Variants in USP9Y observed in about 807,000 individuals in gnomAD.
USP9Y encodes the protein ubiquitin specific peptidase 9 Y-linked, also known as ubiquitin carboxyl-terminal hydrolase 9Y.
Under a neutral mutation model 53.1 loss-of-function variants are expected in USP9Y, and 41 were observed. The observed-to-expected ratio is 0.77, with a 90% CI of 0.60 to 1.00. The LOEUF (loss-of-function observed/expected upper bound fraction) is 1.00. Ranked by LOEUF, USP9Y falls within the 50% of genes least tolerant of loss-of-function variation. The pLI is 0.00. For missense variants in USP9Y, 567 were observed against 535.8 expected (o/e 1.06, Z -0.58); for synonymous variants, 220 against 173.7 (o/e 1.27, Z -2.09).
chrY:12,759,356 G>T, intron 14 of USP9Y, among the ~76,000 whole-genome samples: 1 of 33,115 alleles, frequency 3.0e-5, no homozygotes, highest in East Asian at 7.8e-4. Flanking sequence ...GTGCAGTTAG[G>T]ATTCCCAGTG....
At chrY:12,743,471 G>A (rs2053458200) in intron 12 of USP9Y, among the ~76,000 whole-genome samples, 1 of 32,573 alleles carries the variant, frequency 3.1e-5, no homozygotes, top group African/African-American at 1.2e-4. Context: ...TGTTAGCCAG[G>A]ATGGTCTTGA....
chrY:12,798,363 G>A (rs2053515682), intron 27 of USP9Y, among the ~76,000 whole-genome samples: 5 of 33,321 alleles, frequency 1.5e-4, no homozygotes, highest in Non-Finnish European at 3.7e-4. Flanking sequence ...CAAAGATTGC[G>A]TTAAGACTGA....
chrY:12,825,567 G>A, intron 33 of USP9Y, among the ~76,000 whole-genome samples: 1 of 32,607 alleles, frequency 3.1e-5, no homozygotes, highest in Admixed American at 2.8e-4. Flanking sequence ...AGGAGCAGAC[G>A]ACTATGAGCA....
At chrY:12,840,801 TATG>T (rs2053560363) in intron 36 of USP9Y, among the ~76,000 whole-genome samples, 187 bp downstream of exon 36, 1 of 33,149 alleles carries the variant, frequency 3.0e-5, no homozygotes, top group Non-Finnish European at 7.5e-5. Context: ...ATGAAAAAAT[TATG>T]ATATCTGTAC....
At chrY:12,811,071 A>T in intron 29 of USP9Y, among the ~76,000 whole-genome samples, 1 of 33,976 alleles carries the variant, frequency 2.9e-5, no homozygotes, top group Non-Finnish European at 7.3e-5. Flanking sequence ...TGGAATGCTG[A>T]TAATTCTGTT....
intron 5 of USP9Y, 94 bp downstream of exon 5, chrY:12,722,281 T>A: frequency 8.7e-6 from 2 of 230,129 alleles, no homozygotes; most frequent in Non-Finnish European, 7.3e-6. Context: ...ATAAAGGTAC[T>A]GTTTATTCCT....
chrY:12,835,270 G>A (rs2053554469), intron 34 of USP9Y, among the ~76,000 whole-genome samples: 1 of 33,007 alleles, frequency 3.0e-5, no homozygotes, highest in Non-Finnish European at 7.4e-5. Context: ...GGCTGGACTC[G>A]AACTCCAGGT....
intron 11 of USP9Y, among the ~76,000 whole-genome samples, chrY:12,738,912 A>G: frequency 3.0e-5 from 1 of 33,885 alleles, no homozygotes; most frequent in South Asian, 6.6e-4. Context: ...GAAAGAGGAT[A>G]AAGAATCTAT....
At chrY:12,828,957 A>G (rs762574531) in intron 33 of USP9Y, among the ~76,000 whole-genome samples, 1 of 33,336 alleles carries the variant, frequency 3.0e-5, no homozygotes, top group Non-Finnish European at 7.5e-5. Context: ...TGCAGAGATC[A>G]AAGAAGGTAA....
At chrY:12,725,782 A>G (rs2053441788) in intron 6 of USP9Y, among the ~76,000 whole-genome samples, 1 of 33,387 alleles carries the variant, frequency 3.0e-5, no homozygotes. Context: ...ACGAATTCAT[A>G]CTTAGAGTTT....
chrY:12,732,622 A>G, intron 7 of USP9Y, among the ~76,000 whole-genome samples: 3 of 32,009 alleles, frequency 9.4e-5, no homozygotes, highest in African/African-American at 3.7e-4. Context: ...GATTACAGGC[A>G]TGAACCACCA....
chrY:12,848,626 A>G, intron 42 of USP9Y, among the ~76,000 whole-genome samples: 1 of 33,380 alleles, frequency 3.0e-5, no homozygotes, highest in Non-Finnish European at 7.4e-5. Flanking sequence ...TCTTGAATTA[A>G]TCTTTGTATA....
chrY:12,808,889 A>G (rs779189529), intron 27 of USP9Y, among the ~76,000 whole-genome samples: 5 of 33,757 alleles, frequency 1.5e-4, no homozygotes, highest in Admixed American at 1.3e-3. Context: ...TTGGTTTTAT[A>G]TAGGAGAGTC....
At chrY:12,814,453 G>A (rs2053534448) in intron 31 of USP9Y, among the ~76,000 whole-genome samples, 1 of 23,192 alleles carries the variant, frequency 4.3e-5, no homozygotes, top group African/African-American at 1.8e-4. Context: ...GCGTGAACCC[G>A]GGAGGCGGAG....
intron 16 of USP9Y, among the ~76,000 whole-genome samples, chrY:12,772,179 G>A (rs1023062377): frequency 2.4e-4 from 8 of 33,153 alleles, no homozygotes; most frequent in Non-Finnish European, 1.5e-4. Flanking sequence ...TGTGAGGCAG[G>A]TGTTAACTCC....
intron 19 of USP9Y, among the ~76,000 whole-genome samples, chrY:12,777,136 G>T: frequency 6.1e-5 from 2 of 32,820 alleles, no homozygotes; most frequent in Non-Finnish European, 1.5e-4. Flanking sequence ...TTCCTTAAGT[G>T]TGATAGAGTT....
chrY:12,731,920 T>TTG (rs2053447380), intron 7 of USP9Y, among the ~76,000 whole-genome samples: 21 of 33,475 alleles, frequency 6.3e-4, no homozygotes, highest in African/African-American at 2.4e-3. Flanking sequence ...TGCTGTTGTT[T>TTG]TGTTTTCATT....
chrY:12,711,377 T>C, intron 3 of USP9Y, among the ~76,000 whole-genome samples: 2 of 32,936 alleles, frequency 6.1e-5, no homozygotes, highest in African/African-American at 2.4e-4. Context: ...TTTGCTGATT[T>C]TTCTGTTAAT....
chrY:12,745,675 G>A, intron 12 of USP9Y, among the ~76,000 whole-genome samples: 1 of 33,916 alleles, frequency 2.9e-5, no homozygotes, highest in Non-Finnish European at 7.3e-5. Context: ...CATATTATAA[G>A]TCAAGAATAC....
Sources: allele counts gnomAD v4.1 joint callset (sites outside exome capture counted in the v4.1 genomes callset), GRCh38; gene constraint gnomAD v4.1.1; transcripts MANE v1.5; gene names NCBI Gene and HGNC (gene_info 2026-07-23, HGNC 2026-07-21).